Variants in FGFR3 observed in about 807,000 individuals in gnomAD.
FGFR3 encodes FGFR-3.
FGFR3 carries 25 observed loss-of-function variants against 82.9 expected under a neutral mutation model. The ratio of observed to expected loss-of-function variants is 0.30; its 90% CI spans 0.22 to 0.42. FGFR3 has a LOEUF of 0.42. FGFR3 is among the 10% of genes least tolerant of loss of function. The pLI, the probability that FGFR3 is intolerant of heterozygous loss-of-function variation, is 1.00. For synonymous variants in FGFR3, 620 were observed against 516.0 expected (o/e 1.20, Z -2.73); for missense variants, 1,026 against 1,161.0 (o/e 0.88, Z 1.69).
At chr4:1,796,876 T>C (rs147962611) in intron 2 of FGFR3, among the ~76,000 whole-genome samples, 135 of 152,266 alleles carry the variant, frequency 8.9e-4, no homozygotes, top group African/African-American at 3.0e-3. Flanking sequence ...ATTTTTACTT[T>C]GTGCCACAGT....
intron 2 of FGFR3, among the ~76,000 whole-genome samples, chr4:1,794,803 T>C (rs1720277143): frequency 6.6e-6 from 1 of 151,626 alleles, no homozygotes; most frequent in African/African-American, 2.4e-5. Context: ...CGCCGCCGCG[T>C]ACACCCGCAG....
intron 2 of FGFR3, among the ~76,000 whole-genome samples, chr4:1,794,353 A>G (rs1720211723): frequency 6.6e-6 from 1 of 152,086 alleles, no homozygotes; most frequent in Admixed American, 6.5e-5. Flanking sequence ...GGGGGGCCCC[A>G]TTTCCACGAT....
Position 1,801,755 on chromosome 4 carries a change from G to A in FGFR3, c.739+12G>A, listed in dbSNP as rs2108782496. ...GCTGGACGTGCTGGGTGAGGGCCCT[G>A]GGGCGGCGCGGGGGTGGGGGCGGCA... On this transcript the variant is annotated intron_variant, in intron 6 of 17. Transcript: ENST00000440486. The A allele has an allele frequency of 1.3e-6, 2 of 1,593,710 alleles. No individual in the cohort carries two copies. The highest frequency in any genetic ancestry group is 4.5e-5 in the East Asian group (2 of 44,080).
At chr4:1,797,763 G>C (rs3135859) in intron 2 of FGFR3, among the ~76,000 whole-genome samples, 2 of 152,116 alleles carry the variant, frequency 1.3e-5, no homozygotes, top group African/African-American at 4.8e-5. Flanking sequence ...TGTGGGTCCC[G>C]GTGGGGCGAG....
rs544955705 is a variant in FGFR3 at position 1,805,896 on chromosome 4, G to A, written c.1792G>A (p.Ala598Thr). 4 of 1,612,396 alleles carry A rather than the reference G, an allele frequency of 2.5e-6. No individual in the cohort carries two copies. The East Asian group carries it at 8.9e-5, about 36-fold the overall frequency. Residue 598 changes from alanine to threonine, a missense_variant, in exon 13 of 18, where the codon GCC (alanine) becomes ACC (threonine). Coordinates refer to ENST00000440486, the MANE Select transcript of FGFR3 (RefSeq NM_000142.5). The stretch of plus-strand genomic sequence containing the variant: ...CACCTTCAAGGACCTGGTGTCCTGT[G>A]CCTACCAGGTGGCCCGGGGCATGGA... ...QLTFKDLVSC[A>T]YQVARGMEYL...
intron 2 of FGFR3, 59 bp from the exon 3 acceptor site, chr4:1,799,195 T>C: frequency 3.1e-6 from 5 of 1,610,132 alleles, no homozygotes; most frequent in Non-Finnish European, 4.2e-6. Flanking sequence ...CACTGCTGTG[T>C]CTGTAAACGG....
chr4:1,795,671 A>G (rs1034362384), intron 2 of FGFR3, among the ~76,000 whole-genome samples: 4 of 152,188 alleles, frequency 2.6e-5, no homozygotes, highest in African/African-American at 9.6e-5. Flanking sequence ...TGGCCACCCC[A>G]GGCCCTGCCA....
intron 15 of FGFR3, 75 bp downstream of exon 15, chr4:1,806,402 C>G (rs1721923531): frequency 6.2e-7 from 1 of 1,600,496 alleles, no homozygotes; most frequent in Non-Finnish European, 8.5e-7. Context: ...AGCTGCAGTC[C>G]CCAGGCCTGT....
chr4:1,798,556 G>A (rs1400671189), intron 2 of FGFR3, among the ~76,000 whole-genome samples: 10 of 95,762 alleles, frequency 1.0e-4, no homozygotes, highest in South Asian at 4.0e-4. Context: ...CGGCCCCCTC[G>A]CGCTGCTCCG....
At position 1,807,963 on chromosome 4, in the gene FGFR3, TG is replaced by T; in HGVS notation, c.*706del. ...CTGGTACAACGGAGGCCTGCGACCC[TG>T]GGGGCACAGGAGGCAGGCATGGCCC... On this transcript the variant is annotated 3_prime_UTR_variant, in exon 18 of 18. Transcript: ENST00000440486. The T allele has an allele frequency of 4.1e-6, 1 of 241,132 alleles. No individual in the cohort carries two copies. Among genetic ancestry groups the T allele is most frequent in the Non-Finnish European group, 8.1e-6 (1 of 123,042 alleles). The allele number at this position is 241,132 out of a possible 1,614,324, so 14.9% of individuals were successfully genotyped here.
At position 1,801,348 on chromosome 4, in the gene FGFR3, C is replaced by A; in HGVS notation, c.446-19C>A. ...GCTCCCACTCGGGTCATGGCCTTCA[C>A]ACGCACCTCGGCCCGCAGGGGCCCC... On this transcript the variant is annotated intron_variant, in intron 4 of 17. Coordinates refer to ENST00000440486, the MANE Select transcript of FGFR3 (RefSeq NM_000142.5). 6.5e-7 allele frequency: 1 copy of A among 1,548,048 alleles called. No individual in the cohort carries two copies. Among genetic ancestry groups the A allele is most frequent in the Non-Finnish European group, 8.7e-7 (1 of 1,148,962 alleles).
intron 10 of FGFR3, 143 bp downstream of exon 10, chr4:1,805,112 T>A: frequency 1.5e-6 from 2 of 1,324,548 alleles, no homozygotes; most frequent in Non-Finnish European, 2.0e-6. Flanking sequence ...GTGGAGATGC[T>A]CCTGGGACGG....
At chr4:1,802,436 C>T (rs1043552873) in intron 7 of FGFR3, among the ~76,000 whole-genome samples, 8 of 152,212 alleles carry the variant, frequency 5.3e-5, no homozygotes, top group African/African-American at 1.7e-4. Context: ...CAGTGGGGCC[C>T]GAGCTCACTG....
chr4:1,802,105 G>A lies in FGFR3; in HGVS notation c.930+80G>A, dbSNP rs570283669. On this transcript the variant is annotated intron_variant, in intron 7 of 17. Transcript: ENST00000440486. ...AGGGTGCCCCTTGGCTGCGGGTTGC[G>A]TGAGGATTTGGGTCTAGGGGTTGGA... 92 of 1,475,774 alleles carry A rather than the reference G, an allele frequency of 6.2e-5. 1 individual carries two copies. In the African/African-American group the frequency reaches 8.1e-4, roughly 13 times the overall value. 91.4% of individuals were successfully genotyped at this position (1,475,774 alleles called of 1,614,324 possible). A position where few individuals can be genotyped will look rare whatever the true frequency, so the allele number is the denominator to read the frequency against.
chr4:1,799,914 A>T, intron 4 of FGFR3, 102 bp downstream of exon 4: 1 of 1,349,824 alleles, frequency 7.4e-7, no homozygotes. Flanking sequence ...CCCCGGAACA[A>T]CCTCCCTGGG....
At chr4:1,804,235 C>T (rs1326128195) in intron 8 of FGFR3, 95 bp from the exon 9 acceptor site, 3 of 1,416,534 alleles carry the variant, frequency 2.1e-6, no homozygotes, top group East Asian at 2.3e-5. Context: ...CCCCCTTCCG[C>T]TCCCAGTGGT....
At chr4:1,803,380 C>T (rs995105616) in intron 7 of FGFR3, among the ~76,000 whole-genome samples, 13 of 152,326 alleles carry the variant, frequency 8.5e-5, no homozygotes, top group East Asian at 1.9e-4. Context: ...TGCTCGCTTC[C>T]GCAGCCTGTG....
At chr4:1,806,438 C>G in intron 15 of FGFR3, 108 bp from the exon 16 acceptor site, 3 of 1,603,086 alleles carry the variant, frequency 1.9e-6, no homozygotes, top group Non-Finnish European at 2.6e-6. Context: ...GGTGTGGTTT[C>G]TACCCCTCCC....
At position 1,806,877 on chromosome 4, in the gene FGFR3, C is replaced by G. The variant is rs377293519; in HGVS notation, c.2217C>G (p.Pro739=). 8.1e-5 allele frequency: 130 copies of G among 1,611,656 alleles called. No homozygotes were observed. The highest frequency in any genetic ancestry group is 1.1e-4 in the Non-Finnish European group (127 of 1,179,612). The part of the protein sequence containing the change: ...ECWHAAPSQR[P]TFKQLVEDLD... ...GGCATGCCGCGCCCTCCCAGAGGCC[C>G]ACCTTCAAGCAGCTGGTGGAGGACC... Residue 739 remains proline, a synonymous_variant, in exon 17 of 18, where the codon CCC becomes CCG. Coordinates refer to ENST00000440486, the MANE Select transcript of FGFR3 (RefSeq NM_000142.5).
Sources: gnomAD v4.1 joint callset for allele counts (sites outside exome capture counted in the v4.1 genomes callset) on GRCh38, gnomAD v4.1.1 for gene constraint, MANE v1.5 for transcripts, NCBI Gene and HGNC (gene_info 2026-07-23, HGNC 2026-07-21) for gene names.